The following PTPN14 variants were observed in gnomAD, a reference collection of about 807,000 sequenced individuals.
PTPN14 encodes the protein protein tyrosine phosphatase non-receptor type 14.
Under a neutral mutation model 126.8 loss-of-function variants are expected in PTPN14, and 53 were observed. That is an observed-to-expected ratio of 0.42 (90% CI 0.34 to 0.53). The LOEUF is 0.53. PTPN14 is among the 20% of genes least tolerant of loss of function. The pLI, the probability that PTPN14 is intolerant of heterozygous loss-of-function variation, is 0.08. For synonymous variants in PTPN14, 630 were observed against 599.3 expected (o/e 1.05, Z -0.75); for missense variants, 1,257 against 1,552.9 (o/e 0.81, Z 3.20).
At chr1:214,482,415 A>T (rs79295541) in intron 1 of PTPN14, among the ~76,000 whole-genome samples, 3,850 of 105,640 alleles carry the variant, frequency 0.036, no homozygotes, top group Non-Finnish European at 0.039. Context: ...TTGTGTGACA[A>T]ATAGCAGAAG....
rs1331462546 is a variant in PTPN14, at chr1:214,396,648, G to A, written c.758+1265C>T. ...TAGTGGTTTCAAGATAAATGAAAAG[G>A]TCTGGAAGCAGTTTCTAAGGAAACT... On this transcript the variant is annotated intron_variant, in intron 8 of 18. Transcript: ENST00000366956. 6.6e-5 allele frequency among the ~76,000 whole-genome samples: 10 copies of A among 152,094 alleles called. No individual in the cohort carries two copies. The East Asian group carries it at 1.9e-3, about 29-fold the overall frequency.
At position 214,350,366 on chromosome 1, in the gene PTPN14, A is replaced by T. The variant is rs1276862827; in HGVS notation, c.*7556T>A. ...TCTCAATCTATATAAGTTCACCTCG[A>T]AATACATATTAAGTACTGCTGTCAT... On this transcript the variant is annotated 3_prime_UTR_variant, in exon 19 of 19. Coordinates refer to ENST00000366956, the MANE Select transcript of PTPN14 (RefSeq NM_005401.5). The T allele has an allele frequency of 6.6e-6, 1 of 152,150 alleles. No homozygotes were observed. Among genetic ancestry groups the T allele is most frequent in the African/African-American group, 2.4e-5 (1 of 41,442 alleles). The allele number at this position is 152,150 out of a possible 1,614,324, so 9.4% of individuals were successfully genotyped here. A position where few individuals can be genotyped will look rare whatever the true frequency, so the allele number is the denominator to read the frequency against.
At chr1:214,413,232 A>G (rs1659349529) in intron 4 of PTPN14, among the ~76,000 whole-genome samples, 1 of 152,144 alleles carries the variant, frequency 6.6e-6, no homozygotes, top group South Asian at 2.1e-4. Context: ...GGACATATTG[A>G]TCTTCTCCAT....
intron 1 of PTPN14, among the ~76,000 whole-genome samples, chr1:214,546,136 C>A (rs1322019788): frequency 2.0e-5 from 3 of 152,190 alleles, no homozygotes; most frequent in Non-Finnish European, 4.4e-5. Flanking sequence ...GACTTCTTAG[C>A]TCAGTGCTTC....
At chr1:214,496,853 T>A (rs1410439914) in intron 1 of PTPN14, among the ~76,000 whole-genome samples, 2 of 138,708 alleles carry the variant, frequency 1.4e-5, no homozygotes, top group African/African-American at 4.9e-5. Context: ...TTTTCATGAT[T>A]AAACTACAAA....
At chr1:214,533,995 G>A (rs1655631655) in intron 1 of PTPN14, among the ~76,000 whole-genome samples, 1 of 152,008 alleles carries the variant, frequency 6.6e-6, no homozygotes, top group Non-Finnish European at 1.5e-5. Context: ...AGTGGCTCTT[G>A]TTTTACTCAA....
rs1660783420 is a variant in PTPN14 at position 214,472,603 on chromosome 1, G to A, written c.-154-7646C>T. On this transcript the variant is annotated intron_variant, in intron 1 of 18. Transcript: ENST00000366956. Reference sequence around the variant, plus strand: ...AAGGCAGGGCAGGAGTCTCCAGCATGACCTCAGTGACTCTTCAAATCATTT... The same window carrying A: ...AAGGCAGGGCAGGAGTCTCCAGCATAACCTCAGTGACTCTTCAAATCATTT... Among the ~76,000 whole-genome samples, 3 of 152,336 alleles carry A rather than the reference G, an allele frequency of 2.0e-5. No homozygotes were observed. In the South Asian group the frequency reaches 6.2e-4, roughly 32 times the overall value.
intron 7 of PTPN14, among the ~76,000 whole-genome samples, chr1:214,401,175 G>A (rs554905538): frequency 3.3e-5 from 5 of 152,242 alleles, no homozygotes; most frequent in Middle Eastern, 3.4e-3. Context: ...AGCAGTTTCC[G>A]AGGCATAGCT....
chr1:214,375,205 T>G (rs973553908), intron 15 of PTPN14, among the ~76,000 whole-genome samples: 3 of 152,262 alleles, frequency 2.0e-5, no homozygotes, highest in African/African-American at 7.2e-5. Context: ...TTTCCCATTC[T>G]GTATCAAAAC....
chr1:214,424,764 G>C (rs1309461391), intron 3 of PTPN14, among the ~76,000 whole-genome samples: 1 of 152,120 alleles, frequency 6.6e-6, no homozygotes, highest in Non-Finnish European at 1.5e-5. Flanking sequence ...GGCAAGGCTG[G>C]TCTTGAACTC....
chr1:214,377,935 C>T, intron 14 of PTPN14, 24 bp downstream of exon 14: 1 of 1,604,964 alleles, frequency 6.2e-7, no homozygotes, highest in South Asian at 1.1e-5. Context: ...GAGAATGAGT[C>T]ACATTGACAA....
At chr1:214,497,696 C>T (rs964965311) in intron 1 of PTPN14, among the ~76,000 whole-genome samples, 66 of 151,874 alleles carry the variant, frequency 4.3e-4, no homozygotes, top group Non-Finnish European at 1.5e-4. Context: ...CATATATTAC[C>T]GAGTGGCAAA....
intron 3 of PTPN14, among the ~76,000 whole-genome samples, chr1:214,420,787 T>C (rs1659525791): frequency 6.6e-6 from 1 of 152,250 alleles, no homozygotes; most frequent in Non-Finnish European, 1.5e-5. Flanking sequence ...GGTACAGATT[T>C]CTTTATAGCA....
chr1:214,402,513 G>A (rs1350380915), intron 6 of PTPN14, among the ~76,000 whole-genome samples: 1 of 149,874 alleles, frequency 6.7e-6, no homozygotes, highest in Non-Finnish European at 1.5e-5. Context: ...CAAACTCCTG[G>A]TGCTTCCTTG....
Position 214,383,463 on chromosome 1 carries a change from C to G in PTPN14, c.2392G>C (p.Ala798Pro). 1 of 1,614,270 alleles carries G rather than the reference C, an allele frequency of 6.2e-7. No individual in the cohort carries two copies. The highest frequency in any genetic ancestry group is 8.5e-7 in the Non-Finnish European group (1 of 1,180,052). ...AISMSRTDPP[A>P]VNGASLGPSI... Reference sequence around the variant, plus strand: ...GGGCCGAGAGAGGCCCCGTTGACAGCCGGCGGGTCAGTCCGAGACATGCTG... The same window carrying G: ...GGGCCGAGAGAGGCCCCGTTGACAGGCGGCGGGTCAGTCCGAGACATGCTG... Residue 798 changes from alanine (A) to proline (P), a missense_variant, in exon 13 of 19, where the codon GCT becomes CCT. Coordinates refer to ENST00000366956, the MANE Select transcript of PTPN14 (RefSeq NM_005401.5). This position sits in a 1 kb window ranked among gnomAD's most constrained non-coding sequence, Gnocchi z 4.4.
intron 1 of PTPN14, among the ~76,000 whole-genome samples, chr1:214,503,782 G>C (rs1358219777): frequency 6.6e-6 from 1 of 152,218 alleles, no homozygotes; most frequent in Non-Finnish European, 1.5e-5. Flanking sequence ...TGCATATAAA[G>C]TGTTTGTATG....
intron 5 of PTPN14, among the ~76,000 whole-genome samples, chr1:214,403,560 G>C (rs1287130201): frequency 2.0e-5 from 3 of 152,138 alleles, no homozygotes; most frequent in African/African-American, 7.2e-5. Context: ...CAGGCCCCTG[G>C]AACCTGTGAT....
chr1:214,381,161 T>C (rs149339778), intron 13 of PTPN14, among the ~76,000 whole-genome samples: 9 of 152,324 alleles, frequency 5.9e-5, no homozygotes, highest in African/African-American at 1.9e-4. Context: ...AGGAGACCCA[T>C]GCCAAGATTT....
chr1:214,370,081 C>T (rs945363349), intron 16 of PTPN14, among the ~76,000 whole-genome samples: 2 of 152,132 alleles, frequency 1.3e-5, no homozygotes, highest in African/African-American at 2.4e-5. Context: ...GAGATCGAGA[C>T]CATCCTGGCT....
Sources: allele counts gnomAD v4.1 joint callset (sites outside exome capture counted in the v4.1 genomes callset), GRCh38; gene constraint gnomAD v4.1.1; non-coding constraint Gnocchi (gnomAD v3.1); transcripts MANE v1.5; gene names NCBI Gene and HGNC (gene_info 2026-07-23, HGNC 2026-07-21).